Variants in PDLIM5 observed in about 807,000 individuals in gnomAD.
PDLIM5 encodes the protein PDZ and LIM domain protein 5.
Under a neutral mutation model 64.2 loss-of-function variants are expected in PDLIM5, and 34 were observed. The ratio of observed to expected loss-of-function variants is 0.53; its 90% CI spans 0.40 to 0.71. The LOEUF (loss-of-function observed/expected upper bound fraction) is 0.71. Among genes scored for constraint, PDLIM5 ranks in the 30% least tolerant of loss-of-function variants. The pLI, the probability that PDLIM5 is intolerant of heterozygous loss-of-function variation, is 0.00. For missense variants in PDLIM5, 683 were observed against 733.6 expected, an observed-to-expected ratio of 0.93 and a Z score of 0.80; for synonymous variants, 253 against 269.1, an observed-to-expected ratio of 0.94 and a Z score of 0.59.
intron 2 of PDLIM5, among the ~76,000 whole-genome samples, chr4:94,518,809 C>T (rs1231529298): frequency 5.9e-5 from 9 of 152,080 alleles, no homozygotes; most frequent in East Asian, 1.9e-4. Flanking sequence ...TTTCCAACAC[C>T]GGGGACATCT....
chr4:94,462,238 T>G (rs933094930), intron 2 of PDLIM5, among the ~76,000 whole-genome samples: 1 of 152,204 alleles, frequency 6.6e-6, no homozygotes, highest in African/African-American at 2.4e-5. Context: ...AAATGTCTCC[T>G]GGTGCCCTGC....
chr4:94,487,946 G>C (rs547214579), intron 2 of PDLIM5, among the ~76,000 whole-genome samples: 42 of 152,102 alleles, frequency 2.8e-4, no homozygotes, highest in Non-Finnish European at 5.4e-4. Flanking sequence ...TAGGGAGTGG[G>C]TCTTAAGAAG....
At chr4:94,603,627 C>T (rs1434595539) in intron 7 of PDLIM5, among the ~76,000 whole-genome samples, 1 of 152,210 alleles carries the variant, frequency 6.6e-6, no homozygotes. Flanking sequence ...TCCACACCGC[C>T]TCCCATCTCT....
At chr4:94,582,653 G>T in intron 5 of PDLIM5, 1 of 1,007,888 alleles carries the variant, frequency 9.9e-7, no homozygotes. Context: ...TTCATCTTCC[G>T]GGGAACATCA....
intron 3 of PDLIM5, among the ~76,000 whole-genome samples, chr4:94,564,656 C>CTCTTTTTTTTTTT (rs1553959063): frequency 2.9e-5 from 3 of 104,542 alleles, no homozygotes; most frequent in African/African-American, 1.3e-4. Context: ...AATTTTGTCT[C>CTCTTTTTTTTTTT]TTTTTTTTTT....
At chr4:94,502,060 C>T (rs1228315746) in intron 2 of PDLIM5, among the ~76,000 whole-genome samples, 1 of 151,884 alleles carries the variant, frequency 6.6e-6, no homozygotes, top group Non-Finnish European at 1.5e-5. Context: ...CATTTCTCTC[C>T]CCTTTTCCCT....
At chr4:94,524,996 C>T (rs764102415) in intron 3 of PDLIM5, among the ~76,000 whole-genome samples, 11 of 152,080 alleles carry the variant, frequency 7.2e-5, no homozygotes, top group Middle Eastern at 3.2e-3. Flanking sequence ...TTGATGGTTA[C>T]AAAAAGTGTT....
In PDLIM5 at chr4:94,503,266, A is replaced by C. The variant is rs377633464; in HGVS notation, c.97-20458A>C. ...TCTCCCTCACCACCTAAACTGCTTA[A>C]ACTGCTGAGCAAACTCAGGACGATA... On this transcript the variant is annotated intron_variant, in intron 2 of 12. Transcript: ENST00000317968. Among the ~76,000 whole-genome samples the C allele has an allele frequency of 5.3e-5, 8 of 152,298 alleles. No homozygotes were observed. In the South Asian group the frequency reaches 8.3e-4, roughly 16 times the overall value.
At chr4:94,492,701 T>C (rs552218879) in intron 2 of PDLIM5, among the ~76,000 whole-genome samples, 41 of 152,326 alleles carry the variant, frequency 2.7e-4, no homozygotes, top group Non-Finnish European at 5.3e-4. Context: ...TACAGCATAA[T>C]ACCGGTTTCT....
At chr4:94,462,085 C>T (rs1356803861) in intron 2 of PDLIM5, among the ~76,000 whole-genome samples, 1 of 152,106 alleles carries the variant, frequency 6.6e-6, no homozygotes, top group Admixed American at 6.5e-5. Flanking sequence ...AGTCTGGTCT[C>T]GAACTCCTGA....
At position 94,587,226 on chromosome 4, in the gene PDLIM5, G is replaced by C; in HGVS notation, c.920+782G>C. The C allele has an allele frequency of 9.4e-6, 13 of 1,382,896 alleles. No homozygotes were observed. In the South Asian group the frequency reaches 2.1e-4, roughly 22 times the overall value. 85.7% of individuals were successfully genotyped at this position (1,382,896 alleles called of 1,614,324 possible). A position where few individuals can be genotyped will look rare whatever the true frequency, so the allele number is the denominator to read the frequency against. On this transcript the variant is annotated intron_variant, in intron 7 of 12. Transcript: ENST00000317968. The stretch of plus-strand genomic sequence containing the variant: ...ACTTTTCTAACAATTTCCTATTGTT[G>C]TGAGAAAAGGAAGATGAACATGTTT...
intron 7 of PDLIM5, among the ~76,000 whole-genome samples, chr4:94,589,892 A>C (rs1736547535): frequency 6.6e-6 from 1 of 150,966 alleles, no homozygotes; most frequent in African/African-American, 2.4e-5. Context: ...CTCCTGCCTC[A>C]GCCTCCTGAG....
chr4:94,655,926 A>G (rs992634392), intron 10 of PDLIM5, among the ~76,000 whole-genome samples: 1 of 152,206 alleles, frequency 6.6e-6, no homozygotes, highest in African/African-American at 2.4e-5. Context: ...GTTTGATTCA[A>G]TATACATCTT....
At chr4:94,456,393 T>C in intron 2 of PDLIM5, 3 of 667,662 alleles carry the variant, frequency 4.5e-6, no homozygotes, top group Non-Finnish European at 8.1e-6. Flanking sequence ...AGACCAAGTT[T>C]CCCTATGTTG....
chr4:94,573,097 C>A (rs1408924660), intron 3 of PDLIM5, among the ~76,000 whole-genome samples: 1 of 152,136 alleles, frequency 6.6e-6, no homozygotes, highest in Non-Finnish European at 1.5e-5. Flanking sequence ...GTTTGTCATT[C>A]CTCAGCTGAA....
chr4:94,458,383 T>C (rs1400222774), intron 2 of PDLIM5, among the ~76,000 whole-genome samples: 1 of 152,152 alleles, frequency 6.6e-6, no homozygotes, highest in Non-Finnish European at 1.5e-5. Flanking sequence ...CTCAATTATC[T>C]TTTATAATAA....
chr4:94,599,580 G>C (rs1737329671), intron 7 of PDLIM5, among the ~76,000 whole-genome samples: 1 of 152,140 alleles, frequency 6.6e-6, no homozygotes, highest in Non-Finnish European at 1.5e-5. Flanking sequence ...TAGGTGTAAG[G>C]CTTAGCCTTA....
Position 94,455,288 on chromosome 4 carries a change from C to A in PDLIM5, c.-1C>A. 1 of 1,598,676 alleles carries A rather than the reference C, an allele frequency of 6.3e-7. No homozygotes were observed. Among genetic ancestry groups the A allele is most frequent in the Non-Finnish European group, 8.6e-7 (1 of 1,166,076 alleles). On this transcript the variant is annotated 5_prime_UTR_variant, in exon 2 of 13. Coordinates refer to ENST00000317968, the MANE Select transcript of PDLIM5 (RefSeq NM_006457.5). ...TCATTGGACTTTGAGCCATTAGAAC[C>A]ATGAGCAACTACAGTGTGTCACTGG...
At chr4:94,612,057 G>A (rs1450791387) in intron 7 of PDLIM5, among the ~76,000 whole-genome samples, 1 of 151,924 alleles carries the variant, frequency 6.6e-6, no homozygotes, top group Non-Finnish European at 1.5e-5. Flanking sequence ...CTCTACTAAA[G>A]ATACAAAAAA....
Sources: allele counts gnomAD v4.1 joint callset (sites outside exome capture counted in the v4.1 genomes callset), GRCh38; gene constraint gnomAD v4.1.1; transcripts MANE v1.5; gene names NCBI Gene and HGNC (gene_info 2026-07-23, HGNC 2026-07-21).